Variants in AGTPBP1 observed in about 807,000 individuals in gnomAD.
The protein encoded by AGTPBP1 is cytosolic carboxypeptidase 1.
A neutral mutation model predicts 143.9 loss-of-function variants in AGTPBP1; 70 were observed. That is an observed-to-expected ratio of 0.49 (90% CI 0.40 to 0.59). The LOEUF (loss-of-function observed/expected upper bound fraction) is 0.59, where lower values mean the gene tolerates loss of function less well. Among genes scored for constraint, AGTPBP1 ranks in the 20% least tolerant of loss-of-function variants. The pLI is 0.00. For synonymous variants in AGTPBP1, 463 were observed against 500.2 expected, an observed-to-expected ratio of 0.93 and a Z score of 0.99; for missense variants, 1,229 against 1,464.5, an observed-to-expected ratio of 0.84 and a Z score of 2.62.
intron 17 of AGTPBP1, among the ~76,000 whole-genome samples, chr9:85,601,296 G>T (rs1285727838): frequency 2.0e-5 from 3 of 152,284 alleles, no homozygotes; most frequent in Non-Finnish European, 4.4e-5. Context: ...GGAGCCTAGG[G>T]ATCACCCAGC....
chr9:85,734,984 G>C (rs1362578354), intron 1 of AGTPBP1, among the ~76,000 whole-genome samples: 1 of 152,090 alleles, frequency 6.6e-6, no homozygotes, highest in East Asian at 1.9e-4. Flanking sequence ...GCAGTGAGCT[G>C]AGATCGCGCC....
At chr9:85,733,122 G>A (rs544065350) in intron 1 of AGTPBP1, among the ~76,000 whole-genome samples, 1 of 152,018 alleles carries the variant, frequency 6.6e-6, no homozygotes, top group South Asian at 2.1e-4. Context: ...ACAACACAAT[G>A]AATCAACTAG....
At chr9:85,644,989 A>C (rs1832727296) in intron 12 of AGTPBP1, among the ~76,000 whole-genome samples, 1 of 152,114 alleles carries the variant, frequency 6.6e-6, no homozygotes, top group African/African-American at 2.4e-5. Context: ...TTGAAGAAAA[A>C]TTATATTTTA....
chr9:85,664,244 T>C (rs1369152392), intron 8 of AGTPBP1, among the ~76,000 whole-genome samples: 2 of 152,144 alleles, frequency 1.3e-5, no homozygotes, highest in East Asian at 1.9e-4. Flanking sequence ...GATGTGGTGA[T>C]AGTTTTTCAC....
intron 13 of AGTPBP1, among the ~76,000 whole-genome samples, chr9:85,642,351 A>G (rs1832532866): frequency 6.7e-6 from 1 of 149,344 alleles, no homozygotes; most frequent in Non-Finnish European, 1.5e-5. Context: ...TTTTTTTGAG[A>G]CGGAGTCTTG....
chr9:85,633,292 C>T lies in AGTPBP1; in HGVS notation c.1385G>A (p.Gly462Asp), dbSNP rs1171552761. The T allele has an allele frequency of 6.2e-7, 1 of 1,613,870 alleles. No homozygotes were observed. Among genetic ancestry groups the T allele is most frequent in the Non-Finnish European group, 8.5e-7 (1 of 1,179,930 alleles). Residue 462 changes from glycine (G) to aspartate (D), a missense_variant, in exon 14 of 26, where the codon GGC (glycine) becomes GAC (aspartate). Transcript: ENST00000357081. ...GCCAGAATTCCCAGATGTTTCCTCG[C>T]CTGCCGTAGGAACAACAATAGGACC... ...VRGPIVVPTAGEETSGNSGNL... is the reference protein window; with the variant it reads ...VRGPIVVPTADEETSGNSGNL...
At position 85,678,416 on chromosome 9, in the gene AGTPBP1, T is replaced by C; in HGVS notation, c.226-18A>G. 2 of 1,512,134 alleles carry C rather than the reference T, an allele frequency of 1.3e-6. No homozygotes were observed. The highest frequency in any genetic ancestry group is 1.8e-6 in the Non-Finnish European group (2 of 1,106,062). The allele number at this position is 1,512,134 out of a possible 1,614,324, so 93.7% of individuals were successfully genotyped here. ...TTTGTGTTCTGAAATAAATAGTTTG[T>C]TTTATTAAAACATTGTAAACTTTTG... On this transcript the variant is annotated intron_variant, in intron 4 of 25. Coordinates refer to ENST00000357081, the MANE Select transcript of AGTPBP1 (RefSeq NM_001330701.2).
At chr9:85,789,826 A>C in the AGTPBP1 span, among the ~76,000 whole-genome samples, 1 of 152,222 alleles carries the variant, frequency 6.6e-6, no homozygotes, top group East Asian at 1.9e-4. Context: ...TGAAAGTCTT[A>C]TATTAAGTTT....
rs543968375 is a variant in AGTPBP1 at position 85,647,411 on chromosome 9, A to G, written c.1088-993T>C. Among the ~76,000 whole-genome samples the G allele has an allele frequency of 2.6e-5, 4 of 152,346 alleles. No individual in the cohort carries two copies. The South Asian group carries it at 6.2e-4, about 24-fold the overall frequency. On this transcript the variant is annotated intron_variant, in intron 11 of 25. Coordinates refer to ENST00000357081, the MANE Select transcript of AGTPBP1 (RefSeq NM_001330701.2). ...CTTCCTTCAGGTAGCTCATGAGGTT[A>G]AAGAGCAGAAAGGAGTAAACATGTA... is the stretch of plus-strand genomic sequence containing the variant.
chr9:85,722,784 C>T (rs1222369528), intron 1 of AGTPBP1, among the ~76,000 whole-genome samples: 3 of 152,156 alleles, frequency 2.0e-5, no homozygotes, highest in Non-Finnish European at 4.4e-5. Context: ...AGCTTTTCTG[C>T]TCTGGTTTCT....
chr9:85,725,306 T>A (rs28442209), intron 1 of AGTPBP1, among the ~76,000 whole-genome samples: 2 of 151,968 alleles, frequency 1.3e-5, no homozygotes, highest in Non-Finnish European at 2.9e-5. Context: ...AACAAAAAAA[T>A]TAAAAAAAAA....
At chr9:85,804,244 C>G in the AGTPBP1 span, among the ~76,000 whole-genome samples, 46 of 152,246 alleles carry the variant, frequency 3.0e-4, no homozygotes, top group South Asian at 1.2e-3. Context: ...GTCTTTTCTA[C>G]CTCTCAACAT....
chr9:85,684,100 C>T (rs1835351064), intron 3 of AGTPBP1, among the ~76,000 whole-genome samples: 1 of 152,144 alleles, frequency 6.6e-6, no homozygotes, highest in Admixed American at 6.6e-5. Flanking sequence ...CTGCTCCTTT[C>T]ACTTATCTTA....
At chr9:85,604,932 A>G (rs7862540) in intron 17 of AGTPBP1, among the ~76,000 whole-genome samples, 28,202 of 152,074 alleles carry the variant, frequency 0.19, 3,387 homozygotes, top group East Asian at 0.52. Context: ...GAAAACACAC[A>G]GAGAAGACAA....
the AGTPBP1 span, among the ~76,000 whole-genome samples, chr9:85,775,982 G>A: frequency 4.6e-5 from 7 of 152,076 alleles, no homozygotes; most frequent in African/African-American, 4.8e-5. Flanking sequence ...GGTATTTACC[G>A]TCACAAGTCC....
intron 6 of AGTPBP1, among the ~76,000 whole-genome samples, chr9:85,674,122 TAAA>T (rs35435972): frequency 2.6e-5 from 3 of 117,560 alleles, no homozygotes; most frequent in Non-Finnish European, 3.5e-5. Flanking sequence ...GACTCCATCT[TAAA>T]AAAAAAAAAA....
chr9:85,761,350 A>G, the AGTPBP1 span, among the ~76,000 whole-genome samples: 1 of 152,250 alleles, frequency 6.6e-6, no homozygotes, highest in East Asian at 1.9e-4. Flanking sequence ...AGCTGGAGGC[A>G]TCACGCTACC....
chr9:85,742,108 C>A, upstream of AGTPBP1: 1 of 1,002,162 alleles, frequency 1.0e-6, no homozygotes. Flanking sequence ...TCCCTTGTTA[C>A]CTCCGTGCGC....
chr9:85,715,534 G>A (rs1221702676), intron 1 of AGTPBP1, among the ~76,000 whole-genome samples: 1 of 152,130 alleles, frequency 6.6e-6, no homozygotes, highest in Non-Finnish European at 1.5e-5. Context: ...AACATGCTCA[G>A]CAGTATCAAG....
Sources: gnomAD v4.1 joint callset for allele counts (sites outside exome capture counted in the v4.1 genomes callset) on GRCh38, gnomAD v4.1.1 for gene constraint, MANE v1.5 for transcripts, NCBI Gene and HGNC (gene_info 2026-07-23, HGNC 2026-07-21) for gene names.